Variants in PPP4R3A observed in about 807,000 individuals in gnomAD.
PPP4R3A encodes the protein serine/threonine-protein phosphatase 4 regulatory subunit 3A.
A neutral mutation model predicts 91.7 loss-of-function variants in PPP4R3A; 15 were observed. The ratio of observed to expected loss-of-function variants is 0.16; its 90% CI spans 0.11 to 0.25. The LOEUF (loss-of-function observed/expected upper bound fraction) is 0.25. Ranked by LOEUF, PPP4R3A falls within the 10% of genes least tolerant of loss-of-function variation. The pLI, the probability that PPP4R3A is intolerant of heterozygous loss-of-function variation, is 1.00. For synonymous variants in PPP4R3A, 377 were observed against 348.7 expected (o/e 1.08, Z -0.91); for missense variants, 623 against 998.4 (o/e 0.62, Z 5.07).
chr14:91,472,824 A>ACAACCAACCAACCAAC (rs57949752), intron 9 of PPP4R3A, among the ~76,000 whole-genome samples: 41,028 of 150,310 alleles, frequency 0.27, 5,889 homozygotes, highest in East Asian at 0.44. Context: ...TTTGATAAAA[A>ACAACCAACCAACCAAC]CAACCAACCA....
chr14:91,464,659 A>G (rs1027009741), intron 11 of PPP4R3A, among the ~76,000 whole-genome samples: 2 of 152,222 alleles, frequency 1.3e-5, no homozygotes, highest in African/African-American at 4.8e-5. Context: ...TTATTACATT[A>G]CTAGAGAATA....
chr14:91,467,896 C>T (rs1458036157), intron 10 of PPP4R3A, among the ~76,000 whole-genome samples: 1 of 152,152 alleles, frequency 6.6e-6, no homozygotes, highest in Non-Finnish European at 1.5e-5. Flanking sequence ...TATCAATAAA[C>T]CCTCCTTTAA....
rs1887919366 is a variant in PPP4R3A, at chr14:91,458,669, G to C, written c.*90C>G. 6.3e-7 allele frequency: 1 copy of C among 1,577,292 alleles called. No homozygotes were observed. Among genetic ancestry groups the C allele is most frequent in the South Asian group, 1.1e-5 (1 of 89,762 alleles). ...TGATCTGTGTCAGTCATTCACAAGAGACCACTGCGCTTTGTTGTGGATTTT... is the reference window on the plus strand; with the variant it reads ...TGATCTGTGTCAGTCATTCACAAGACACCACTGCGCTTTGTTGTGGATTTT... On this transcript the variant is annotated 3_prime_UTR_variant, in exon 15 of 15. Coordinates refer to ENST00000554943, the MANE Select transcript of PPP4R3A (RefSeq NM_001366432.2).
intron 13 of PPP4R3A, 119 bp downstream of exon 13, chr14:91,461,928 TAG>T (rs536283214): frequency 1.2e-4 from 161 of 1,383,446 alleles, no homozygotes; most frequent in South Asian, 1.0e-3. Flanking sequence ...CATAAAGCAA[TAG>T]AGTCTTTAAA....
Position 91,482,166 on chromosome 14 carries a change from T to C in PPP4R3A, c.325A>G (p.Ile109Val), listed in dbSNP as rs1177105600. ...QVQGKDPSVD[I>V]TQDLVDESEE... ...GATTCATCCACAAGGTCCTGAGTGA[T>C]GTCCACGGAAGGGTCCTTTCCTTGA... is the stretch of plus-strand genomic sequence containing the variant. Residue 109 changes from isoleucine to valine, a missense_variant, in exon 4 of 15, where the codon ATC becomes GTC. Ile to Val is a conservative substitution (Grantham distance 29). Around this residue, in one of 5 missense-constraint regions of PPP4R3A, gnomAD observed 20 missense variants for 75.6 expected, o/e 0.26. Coordinates refer to ENST00000554943, the MANE Select transcript of PPP4R3A (RefSeq NM_001366432.2). 6.2e-7 allele frequency: 1 copy of C among 1,612,522 alleles called. No individual in the cohort carries two copies. Among genetic ancestry groups the C allele is most frequent in the South Asian group, 1.1e-5 (1 of 90,778 alleles).
rs113331450 is a variant in PPP4R3A at position 91,502,696 on chromosome 14, C to T, written c.142+6810G>A. Among the ~76,000 whole-genome samples the T allele has an allele frequency of 5.5e-3, 835 of 152,318 alleles. 5 individuals are homozygous for T. The highest frequency in any genetic ancestry group is 0.019 in the African/African-American group (776 of 41,570). ...AGCACAGAATCCCAGTTTTACCATT[C>T]GCTAGCAGTGCTGCCTTGAACAAAA... On this transcript the variant is annotated intron_variant, in intron 1 of 14. Transcript: ENST00000554943.
In PPP4R3A at chr14:91,492,331, C is replaced by A. The variant is rs151317041; in HGVS notation, c.143-1529G>T. Reference sequence around the variant, plus strand: ...TTTCTTCTATTACACTTAACAATTGCTTTACCCATTCCAAATAGTGGTTAG... The same window carrying A: ...TTTCTTCTATTACACTTAACAATTGATTTACCCATTCCAAATAGTGGTTAG... On this transcript the variant is annotated intron_variant, in intron 1 of 14. Transcript: ENST00000554943. 3.5e-3 allele frequency among the ~76,000 whole-genome samples: 540 copies of A among 152,322 alleles called. 3 individuals are homozygous for A. Among genetic ancestry groups the A allele is most frequent in the African/African-American group, 0.012 (512 of 41,562 alleles).
chr14:91,510,515 C>T (rs1034759849), upstream of PPP4R3A: 7 of 152,298 alleles, frequency 4.6e-5, no homozygotes, highest in Admixed American at 1.3e-4. Flanking sequence ...TCCCTCCCGC[C>T]TCCTTGCACG....
chr14:91,464,246 G>C (rs1158453152), intron 11 of PPP4R3A, among the ~76,000 whole-genome samples: 1 of 152,036 alleles, frequency 6.6e-6, no homozygotes, highest in Non-Finnish European at 1.5e-5. Flanking sequence ...GCATGAACCT[G>C]GGAGGTGGAA....
chr14:91,493,775 T>C (rs1177647980), intron 1 of PPP4R3A, among the ~76,000 whole-genome samples: 2 of 4,122 alleles, frequency 4.9e-4, no homozygotes, highest in Non-Finnish European at 9.8e-4. Flanking sequence ...CAATATTACT[T>C]TTTTTTTTTT....
chr14:91,473,189 A>G, intron 8 of PPP4R3A, 50 bp downstream of exon 8: 1 of 1,613,132 alleles, frequency 6.2e-7, no homozygotes, highest in African/African-American at 1.3e-5. Flanking sequence ...TCCTACCAGC[A>G]ATACACAATA....
rs1887851781 is a variant in PPP4R3A, at chr14:91,457,725, A to ATCTC, written c.*1030_*1033dup. The ATCTC allele has an allele frequency of 6.6e-6, 1 of 152,646 alleles. No homozygotes were observed. The highest frequency in any genetic ancestry group is 2.4e-5 in the African/African-American group (1 of 41,464). 9.5% of individuals were successfully genotyped at this position (152,646 alleles called of 1,614,324 possible). A position where few individuals can be genotyped will look rare whatever the true frequency, so the allele number is the denominator to read the frequency against. ...TTTCCCCAAGAAAAGAAATTTCAGA[A>ATCTC]TCTCTTTGGAATACTAATTTCATGT... On this transcript the variant is annotated 3_prime_UTR_variant, in exon 15 of 15. Coordinates refer to ENST00000554943, the MANE Select transcript of PPP4R3A (RefSeq NM_001366432.2).
chr14:91,509,520 C>A lies in PPP4R3A; in HGVS notation c.128G>T (p.Arg43Met). The change falls in exon 1 of 15, where the codon AGG becomes ATG. Residue 43 changes from arginine to methionine, a missense_variant. Physicochemically the swap from Arg to Met is moderately conservative, Grantham distance 91 (BLOSUM62 -1). Transcript: ENST00000554943. ...ERLKGMSLLV[R>M]AESDGSLLLE... ...GCTTCACTTACCGTCGCTCTCAGCC[C>A]TGACAAGCAGGGACATGCCCTTCAG... is the stretch of plus-strand genomic sequence containing the variant. The A allele has an allele frequency of 6.3e-7, 1 of 1,595,008 alleles. No homozygotes were observed.
intron 14 of PPP4R3A, 137 bp from the exon 15 acceptor site, chr14:91,459,006 A>AGTTT: frequency 1.1e-6 from 1 of 927,414 alleles, no homozygotes. Context: ...ACTGTGTTAA[A>AGTTT]CTTCAATTCA....
chr14:91,503,879 G>A (rs1252822554), intron 1 of PPP4R3A, among the ~76,000 whole-genome samples: 1 of 152,142 alleles, frequency 6.6e-6, no homozygotes. Context: ...TGAAATGGAA[G>A]ATGGAACTTT....
intron 3 of PPP4R3A, among the ~76,000 whole-genome samples, chr14:91,482,584 A>C (rs1322993047): frequency 6.6e-6 from 1 of 152,202 alleles, no homozygotes; most frequent in Non-Finnish European, 1.5e-5. Context: ...TCTCAGAAAC[A>C]GTCCTAGGAC....
At chr14:91,506,942 TAA>T (rs1300214975) in intron 1 of PPP4R3A, among the ~76,000 whole-genome samples, 2 of 152,122 alleles carry the variant, frequency 1.3e-5, no homozygotes, top group Non-Finnish European at 2.9e-5. Flanking sequence ...AGATAAAAAT[TAA>T]AGTCATTTTG....
chr14:91,466,514 T>C (rs1888476275), intron 10 of PPP4R3A: 6 of 787,250 alleles, frequency 7.6e-6, no homozygotes, highest in Non-Finnish European at 9.2e-6. Context: ...AGTTGATTAT[T>C]AACTGCCTTA....
At chr14:91,461,324 T>A in intron 14 of PPP4R3A, 57 bp downstream of exon 14, 3 of 1,495,570 alleles carry the variant, frequency 2.0e-6, no homozygotes, top group South Asian at 1.2e-5. Flanking sequence ...GTCAAAATTA[T>A]TGTTGAGAAA....
Sources: gnomAD v4.1 joint callset for allele counts (sites outside exome capture counted in the v4.1 genomes callset) on GRCh38, gnomAD v4.1.1 for gene constraint, gnomAD v4.1.1 regional missense constraint, MANE v1.5 for transcripts, NCBI Gene and HGNC (gene_info 2026-07-23, HGNC 2026-07-21) for gene names.